Variants in ARMC9 observed in about 807,000 individuals in gnomAD.
The protein encoded by ARMC9 is lisH domain-containing protein ARMC9.
Under a neutral mutation model 107.0 loss-of-function variants are expected in ARMC9, and 94 were observed. The ratio of observed to expected loss-of-function variants is 0.88; its 90% CI spans 0.74 to 1.04. The LOEUF is 1.04. Ranked by LOEUF, ARMC9 falls within the 50% of genes least tolerant of loss-of-function variation. ARMC9 has a pLI of 0.00. For synonymous variants in ARMC9, 380 were observed against 396.9 expected, an observed-to-expected ratio of 0.96 and a Z score of 0.51; for missense variants, 942 against 1,030.1, an observed-to-expected ratio of 0.91 and a Z score of 1.17.
intron 19 of ARMC9, among the ~76,000 whole-genome samples, chr2:231,307,625 C>T (rs2042107447): frequency 6.6e-6 from 1 of 152,160 alleles, no homozygotes; most frequent in South Asian, 2.1e-4. Flanking sequence ...CCTCTCCTCT[C>T]GGAAATGGAC....
chr2:231,208,152 A>G lies in ARMC9; in HGVS notation c.77A>G (p.Asp26Gly). ...TATTTAGATTTTGCTGAATTTGAAGACACCTTGAAAACATTTTCAAAAGAA... is the reference window on the plus strand; with the variant it reads ...TATTTAGATTTTGCTGAATTTGAAGGCACCTTGAAAACATTTTCAAAAGAA... The part of the protein sequence containing the change: ...KEYLDFAEFE[D>G]TLKTFSKECK... Residue 26 changes from aspartate to glycine, a missense_variant, in exon 3 of 25, where the codon GAC (aspartate) becomes GGC (glycine). Transcript: ENST00000611582. 6.4e-7 allele frequency: 1 copy of G among 1,558,824 alleles called. No homozygotes were observed. Among genetic ancestry groups the G allele is most frequent in the South Asian group, 1.1e-5 (1 of 87,660 alleles).
chr2:231,344,684 T>C (rs1457755749), intron 20 of ARMC9, among the ~76,000 whole-genome samples: 1 of 152,220 alleles, frequency 6.6e-6, no homozygotes, highest in Non-Finnish European at 1.5e-5. Context: ...ACCCAGTCCT[T>C]TTCAGAGATG....
At chr2:231,352,758 CATAGAT>C (rs141273606) in intron 21 of ARMC9, among the ~76,000 whole-genome samples, 11,887 of 151,470 alleles carry the variant, frequency 0.078, 1,390 homozygotes, top group African/African-American at 0.26. Context: ...GGTAGGTAGA[CATAGAT>C]ATAGATAAAT....
rs1402801219 is a variant in ARMC9 at position 231,355,778 on chromosome 2, T to A, written c.1995-20T>A. 1.3e-6 allele frequency: 2 copies of A among 1,521,116 alleles called. No individual in the cohort carries two copies. The highest frequency in any genetic ancestry group is 1.4e-5 in the African/African-American group (1 of 72,832). 94.2% of individuals were successfully genotyped at this position (1,521,116 alleles called of 1,614,324 possible). On this transcript the variant is annotated intron_variant, in intron 21 of 24. Transcript: ENST00000611582. Reference sequence around the variant, plus strand: ...TCCTGGCTGGCTGTACTCACTGCCGTTTTTCATGTTTTTCTCCAGGGTGGA... The same window carrying A: ...TCCTGGCTGGCTGTACTCACTGCCGATTTTCATGTTTTTCTCCAGGGTGGA...
At chr2:231,283,685 C>T (rs995753312) in intron 17 of ARMC9, among the ~76,000 whole-genome samples, 3 of 152,146 alleles carry the variant, frequency 2.0e-5, no homozygotes, top group Non-Finnish European at 4.4e-5. Flanking sequence ...CTGCCTCAGC[C>T]TCCCAAAGCG....
At chr2:231,304,099 G>T (rs576043158) in intron 19 of ARMC9, among the ~76,000 whole-genome samples, 1 of 151,152 alleles carries the variant, frequency 6.6e-6, no homozygotes, top group Non-Finnish European at 1.5e-5. Context: ...GTGTGGTGGC[G>T]CACGCCTGTA....
At chr2:231,280,102 T>G (rs1268995378) in intron 16 of ARMC9, among the ~76,000 whole-genome samples, 1 of 152,180 alleles carries the variant, frequency 6.6e-6, no homozygotes, top group African/African-American at 2.4e-5. Context: ...CTCTGAAAAC[T>G]TAATAGACCA....
intron 6 of ARMC9, among the ~76,000 whole-genome samples, chr2:231,223,802 C>T (rs2034384287): frequency 6.6e-6 from 1 of 152,228 alleles, no homozygotes; most frequent in African/African-American, 2.4e-5. Flanking sequence ...GCTCTCGTCT[C>T]TGCCTTTATA....
At chr2:231,237,872 A>G (rs1381246780) in intron 8 of ARMC9, among the ~76,000 whole-genome samples, 1 of 137,006 alleles carries the variant, frequency 7.3e-6, no homozygotes, top group Non-Finnish European at 1.5e-5. Context: ...AAGTGACATG[A>G]TCAGATTGGC....
chr2:231,242,194 C>T (rs1472433875), intron 9 of ARMC9, among the ~76,000 whole-genome samples: 1 of 150,782 alleles, frequency 6.6e-6, no homozygotes, highest in Non-Finnish European at 1.5e-5. Flanking sequence ...AACTGCTTCA[C>T]ACAGTTATTC....
At chr2:231,281,649 A>G (rs996712180) in intron 16 of ARMC9, among the ~76,000 whole-genome samples, 2 of 152,198 alleles carry the variant, frequency 1.3e-5, no homozygotes, top group African/African-American at 4.8e-5. Flanking sequence ...TGATGTCTGA[A>G]CAAGGACAGT....
intron 9 of ARMC9, among the ~76,000 whole-genome samples, chr2:231,243,116 G>C (rs924745462): frequency 6.6e-6 from 1 of 152,054 alleles, no homozygotes; most frequent in Non-Finnish European, 1.5e-5. Flanking sequence ...GCATGGTTGC[G>C]GGCACCTGTA....
chr2:231,211,513 A>G (rs1234218920), intron 3 of ARMC9, among the ~76,000 whole-genome samples: 1 of 151,990 alleles, frequency 6.6e-6, no homozygotes, highest in African/African-American at 2.4e-5. Flanking sequence ...GCCTGGGGTA[A>G]AAAAGTGAGA....
chr2:231,254,183 TAGA>T (rs968104071), intron 9 of ARMC9, among the ~76,000 whole-genome samples: 1 of 152,168 alleles, frequency 6.6e-6, no homozygotes, highest in Non-Finnish European at 1.5e-5. Context: ...ATGAAAATGT[TAGA>T]AGAATTGAGA....
At position 231,206,204 on chromosome 2, in the gene ARMC9, T is replaced by A. The variant is rs565988774; in HGVS notation, c.-35T>A. ...TTGTATTTTTGCCTTCTAGAGATTT[T>A]TGCTGTGAGAATTAATTACCAGTAA... On this transcript the variant is annotated 5_prime_UTR_variant, in exon 2 of 25. The change creates a new upstream start codon in the 5' untranslated region. Coordinates refer to ENST00000611582, the MANE Select transcript of ARMC9 (RefSeq NM_001352754.2). 1.3e-6 allele frequency: 2 copies of A among 1,595,614 alleles called. No individual in the cohort carries two copies. Among genetic ancestry groups the A allele is most frequent in the African/African-American group, 2.7e-5 (2 of 74,594 alleles).
intron 20 of ARMC9, among the ~76,000 whole-genome samples, chr2:231,338,867 G>A (rs1246550314): frequency 1.3e-5 from 2 of 151,688 alleles, no homozygotes; most frequent in African/African-American, 4.9e-5. Context: ...TAATGTTTCT[G>A]TCTACATATA....
Position 231,256,568 on chromosome 2 carries a change from C to T in ARMC9, c.880-18C>T. 1 of 1,613,514 alleles carries T rather than the reference C, an allele frequency of 6.2e-7. No homozygotes were observed. The highest frequency in any genetic ancestry group is 8.5e-7 in the Non-Finnish European group (1 of 1,179,640). On this transcript the variant is annotated intron_variant, in intron 9 of 24. Transcript: ENST00000611582. ...AGTGTTTAACACCATCTGTTTTCTT[C>T]TGTCCTCTTCCCCCCAGGCATCCAC...
rs1209914835 is a variant in ARMC9 at position 231,360,708 on chromosome 2, G to A, written c.2132-46G>A. On this transcript the variant is annotated intron_variant, in intron 22 of 24. Transcript: ENST00000611582. The surrounding 1 kb of genome is among the most constrained non-coding windows in gnomAD (Gnocchi z 4.7). The stretch of plus-strand genomic sequence containing the variant: ...AGCCCACGAGAGGGCATCCTTAGAG[G>A]GGCTCCAGAGCAGATGTGGACTGAA... 17 of 1,536,090 alleles carry A rather than the reference G, an allele frequency of 1.1e-5. No individual in the cohort carries two copies. In the South Asian group the frequency reaches 2.0e-4, roughly 18 times the overall value.
In ARMC9 at chr2:231,369,956, A is replaced by G; in HGVS notation, c.2265A>G (p.Glu755=). ...CAGGTTGCACGTTTTGTTCTAGGGA[A>G]TGTGCATCAGCCTTCACCTGCAAGC... is the stretch of plus-strand genomic sequence containing the variant. ...QDPGNGVTTR[E]CASAFTCKPR... The change falls in exon 24 of 25, where the codon GAA becomes GAG. Residue 755 remains glutamate, a synonymous_variant. Transcript: ENST00000611582. The G allele has an allele frequency of 1.3e-6, 2 of 1,507,880 alleles. No homozygotes were observed. Among genetic ancestry groups the G allele is most frequent in the South Asian group, 2.5e-5 (2 of 81,034 alleles). 93.4% of individuals were successfully genotyped at this position (1,507,880 alleles called of 1,614,324 possible). A position where few individuals can be genotyped will look rare whatever the true frequency, so the allele number is the denominator to read the frequency against.
Sources: allele counts gnomAD v4.1 joint callset (sites outside exome capture counted in the v4.1 genomes callset), GRCh38; gene constraint gnomAD v4.1.1; non-coding constraint Gnocchi (gnomAD v3.1); transcripts MANE v1.5; gene names NCBI Gene and HGNC (gene_info 2026-07-23, HGNC 2026-07-21).